The following SORCS2 variants were observed in gnomAD, a reference collection of about 807,000 sequenced individuals.
SORCS2 encodes VPS10 domain-containing receptor SorCS2.
Under a neutral mutation model 141.6 loss-of-function variants are expected in SORCS2, and 100 were observed. That is an observed-to-expected ratio of 0.71 (90% confidence interval 0.60 to 0.83). The LOEUF is 0.83. SORCS2 is among the 40% of genes least tolerant of loss of function. The pLI is 0.00. For missense variants in SORCS2, 1,646 were observed against 1,560.2 expected, an observed-to-expected ratio of 1.05 and a Z score of -0.93; for synonymous variants, 789 against 676.9, an observed-to-expected ratio of 1.17 and a Z score of -2.57.
At chr4:7,499,948 C>A (rs1241515281) in intron 2 of SORCS2, among the ~76,000 whole-genome samples, 1 of 152,134 alleles carries the variant, frequency 6.6e-6, no homozygotes, top group African/African-American at 2.4e-5. Context: ...GCTGGGGAGC[C>A]AGCTGTCCTC....
At chr4:7,433,434 A>G (rs1727027881) in intron 2 of SORCS2, 3 of 1,530,408 alleles carry the variant, frequency 2.0e-6, no homozygotes, top group Non-Finnish European at 2.6e-6. Context: ...GGCCCAGGGC[A>G]CACTGGTCGG....
intron 2 of SORCS2, among the ~76,000 whole-genome samples, chr4:7,521,637 T>C (rs744355): frequency 0.35 from 53,645 of 152,032 alleles, 9,587 homozygotes; most frequent in South Asian, 0.39. Context: ...AACTGGAACG[T>C]GACCGAAGCT....
In SORCS2 at chr4:7,385,458, T is replaced by C. The variant is rs565292564; in HGVS notation, c.481-10830T>C. 2.6e-5 allele frequency among the ~76,000 whole-genome samples: 4 copies of C among 152,298 alleles called. No individual in the cohort carries two copies. In the East Asian group the frequency reaches 7.7e-4, roughly 29 times the overall value. On this transcript the variant is annotated intron_variant, in intron 1 of 26. Coordinates refer to ENST00000507866, the MANE Select transcript of SORCS2 (RefSeq NM_020777.3). ...GGCCAGCAGGAAGTCCTCTCTTTCATGCGGGCTGGAGAGAGCTTCCGAGCC... is the reference window on the plus strand; with the variant it reads ...GGCCAGCAGGAAGTCCTCTCTTTCACGCGGGCTGGAGAGAGCTTCCGAGCC...
intron 2 of SORCS2, among the ~76,000 whole-genome samples, chr4:7,523,447 T>A (rs1019260500): frequency 6.6e-6 from 1 of 152,126 alleles, no homozygotes; most frequent in Non-Finnish European, 1.5e-5. Context: ...GCCTGGCCAG[T>A]AGAGGCTTGC....
At chr4:7,527,397 CTG>C (rs1254711290) in intron 2 of SORCS2, among the ~76,000 whole-genome samples, 1 of 152,218 alleles carries the variant, frequency 6.6e-6, no homozygotes, top group Non-Finnish European at 1.5e-5. Context: ...GGACGTGAGA[CTG>C]TGGTAGTCGG....
At chr4:7,600,808 G>A (rs911705960) in intron 3 of SORCS2, among the ~76,000 whole-genome samples, 3 of 152,088 alleles carry the variant, frequency 2.0e-5, no homozygotes, top group Non-Finnish European at 4.4e-5. Flanking sequence ...TCTTTCGTAT[G>A]AGACTTATGG....
intron 5 of SORCS2, among the ~76,000 whole-genome samples, chr4:7,659,687 G>A (rs1474003049): frequency 1.3e-5 from 2 of 152,186 alleles, no homozygotes; most frequent in East Asian, 1.9e-4. Flanking sequence ...GAGGGCAAGC[G>A]AGGCTTTCCA....
chr4:7,727,700 A>C (rs544713645), intron 21 of SORCS2, among the ~76,000 whole-genome samples: 53 of 152,284 alleles, frequency 3.5e-4, no homozygotes, highest in African/African-American at 1.3e-3. Flanking sequence ...CAGTCCTCAA[A>C]GCACTTGTCC....
Position 7,329,257 on chromosome 4 carries a change from G to C in SORCS2, c.481-67031G>C, listed in dbSNP as rs150306641. Among the ~76,000 whole-genome samples the C allele has an allele frequency of 3.6e-3, 542 of 152,360 alleles. 2 individuals carry two copies. Among genetic ancestry groups the C allele is most frequent in the African/African-American group, 0.012 (517 of 41,588 alleles). ...CGGGGCCTGGGAGGGCATGGTGTCA[G>C]TCTGCCTACGTGGACCCAGCAGCAT... On this transcript the variant is annotated intron_variant, in intron 1 of 26. Transcript: ENST00000507866.
At chr4:7,549,594 G>A (rs1386135158) in intron 3 of SORCS2, among the ~76,000 whole-genome samples, 1 of 152,192 alleles carries the variant, frequency 6.6e-6, no homozygotes, top group African/African-American at 2.4e-5. Context: ...TGTTCTTATT[G>A]GGACATGGAT....
intron 3 of SORCS2, among the ~76,000 whole-genome samples, chr4:7,569,517 A>G (rs1211007927): frequency 6.6e-6 from 1 of 152,202 alleles, no homozygotes; most frequent in Non-Finnish European, 1.5e-5. Flanking sequence ...CTCCGTCGCA[A>G]AAAAGAAAAA....
chr4:7,348,798 C>A (rs979718247), intron 1 of SORCS2, among the ~76,000 whole-genome samples: 2 of 152,172 alleles, frequency 1.3e-5, no homozygotes, highest in Admixed American at 6.5e-5. Flanking sequence ...GGTGATCCAC[C>A]CACGTCAGTC....
In SORCS2 at chr4:7,677,279, A is replaced by G. The variant is rs1010714628; in HGVS notation, c.1341+1050A>G. On this transcript the variant is annotated intron_variant, in intron 9 of 26. Coordinates refer to ENST00000507866, the MANE Select transcript of SORCS2 (RefSeq NM_020777.3). Reference sequence around the variant, plus strand: ...CCGTGCATCGCACCAATGTGGCTCCATTTCCATCTGGATCCCTGCAGCAGC... The same window carrying G: ...CCGTGCATCGCACCAATGTGGCTCCGTTTCCATCTGGATCCCTGCAGCAGC... Among the ~76,000 whole-genome samples the G allele has an allele frequency of 2.0e-5, 3 of 151,998 alleles. No individual in the cohort carries two copies. In the South Asian group the frequency reaches 6.2e-4, roughly 32 times the overall value.
At chr4:7,668,703 T>C (rs1190741373) in intron 8 of SORCS2, among the ~76,000 whole-genome samples, 1 of 152,356 alleles carries the variant, frequency 6.6e-6, no homozygotes, top group East Asian at 1.9e-4. Context: ...GCTGAGTATG[T>C]AAATTAAAAG....
At chr4:7,546,696 C>G (rs1228018016) in intron 3 of SORCS2, among the ~76,000 whole-genome samples, 1 of 152,172 alleles carries the variant, frequency 6.6e-6, no homozygotes, top group Non-Finnish European at 1.5e-5. Context: ...CGTGGGATTC[C>G]CACAAGAGCA....
intron 2 of SORCS2, among the ~76,000 whole-genome samples, chr4:7,423,339 G>A (rs1045768157): frequency 6.6e-6 from 1 of 152,188 alleles, no homozygotes; most frequent in African/African-American, 2.4e-5. Context: ...AGGCTCAAGG[G>A]AGCAGCATCC....
At chr4:7,453,332 G>T (rs1728614220) in intron 2 of SORCS2, among the ~76,000 whole-genome samples, 1 of 141,028 alleles carries the variant, frequency 7.1e-6, no homozygotes, top group Non-Finnish European at 1.5e-5. Flanking sequence ...CAGGCACTGT[G>T]TTGGGGTCAG....
intron 2 of SORCS2, among the ~76,000 whole-genome samples, chr4:7,452,044 G>A: frequency 6.6e-6 from 1 of 152,076 alleles, no homozygotes; most frequent in East Asian, 1.9e-4. Flanking sequence ...CTCCTGCTCT[G>A]CACAGCCTTC....
At chr4:7,393,534 T>C (rs374437771) in intron 1 of SORCS2, among the ~76,000 whole-genome samples, 7 of 152,218 alleles carry the variant, frequency 4.6e-5, no homozygotes, top group East Asian at 3.9e-4. Flanking sequence ...GATCAAATTC[T>C]AGCTCTGCCG....
Sources: allele counts gnomAD v4.1 joint callset (sites outside exome capture counted in the v4.1 genomes callset), GRCh38; gene constraint gnomAD v4.1.1; transcripts MANE v1.5; gene names NCBI Gene and HGNC (gene_info 2026-07-23, HGNC 2026-07-21).